MTCL3: variants seen among roughly 807,000 people sequenced by gnomAD.
MTCL3 encodes the protein microtubule cross-linking factor 3.
chr6:127,507,479 G>A, the MTCL3 span, among the ~76,000 whole-genome samples: 3 of 152,258 alleles, frequency 2.0e-5, no homozygotes, highest in East Asian at 5.8e-4. Context: ...GGGTAAAACA[G>A]TCATTTACAT....
chr6:127,501,807 A>T, the MTCL3 span, among the ~76,000 whole-genome samples: 2 of 152,224 alleles, frequency 1.3e-5, no homozygotes, highest in Non-Finnish European at 2.9e-5. Context: ...CTGGATAAAG[A>T]TCAATTTAAC....
chr6:127,516,492 T>G, the MTCL3 span: 1 of 1,599,538 alleles, frequency 6.3e-7, no homozygotes. Flanking sequence ...GTCTAGCGGG[T>G]GACTGAGCTC....
the MTCL3 span, among the ~76,000 whole-genome samples, chr6:127,496,605 C>A: frequency 3.3e-5 from 5 of 152,270 alleles, no homozygotes; most frequent in South Asian, 1.0e-3. Context: ...ATATATCCAC[C>A]AAGGACTTTC....
At chr6:127,516,545 C>A in the MTCL3 span, 1 of 1,598,754 alleles carries the variant, frequency 6.3e-7, no homozygotes. Flanking sequence ...AGACGAGCCT[C>A]AGTGGCTGCA....
chr6:127,500,657 C>A, the MTCL3 span, among the ~76,000 whole-genome samples: 3 of 152,058 alleles, frequency 2.0e-5, no homozygotes, highest in African/African-American at 7.2e-5. Flanking sequence ...AGTTATTTTT[C>A]CTGATCTTCT....
chr6:127,492,646 T>G, the MTCL3 span, among the ~76,000 whole-genome samples: 30 of 152,094 alleles, frequency 2.0e-4, no homozygotes, highest in Admixed American at 1.1e-3. Context: ...TCAGCCTCCC[T>G]AGTAACTGGG....
chr6:127,509,299 C>T, the MTCL3 span, among the ~76,000 whole-genome samples: 5 of 152,166 alleles, frequency 3.3e-5, no homozygotes, highest in African/African-American at 1.2e-4. Context: ...TCTTCTTACT[C>T]CCAGGTGCCT....
the MTCL3 span, chr6:127,516,111 T>C: frequency 7.1e-7 from 1 of 1,418,260 alleles, no homozygotes; most frequent in Non-Finnish European, 9.2e-7. Flanking sequence ...CCCCGCCCCC[T>C]CCTCCCCCTT....
the MTCL3 span, chr6:127,476,375 C>T: frequency 1.2e-6 from 2 of 1,614,176 alleles, no homozygotes; most frequent in South Asian, 1.1e-5. This position sits in a 1 kb window ranked among gnomAD's most constrained non-coding sequence, Gnocchi z 4.4. Flanking sequence ...TCAAATCTGT[C>T]CTTTTCTTTA....
the MTCL3 span, among the ~76,000 whole-genome samples, chr6:127,510,950 T>C: frequency 1.3e-5 from 2 of 152,156 alleles, no homozygotes; most frequent in African/African-American, 4.8e-5. Context: ...GGGGCGGGTG[T>C]GATGGCTCAT....
At chr6:127,487,292 A>T in the MTCL3 span, among the ~76,000 whole-genome samples, 3 of 152,210 alleles carry the variant, frequency 2.0e-5, no homozygotes, top group Non-Finnish European at 4.4e-5. Context: ...CTTTATGGTA[A>T]CAGAGCGTGA....
At chr6:127,509,260 T>G in the MTCL3 span, among the ~76,000 whole-genome samples, 1 of 152,198 alleles carries the variant, frequency 6.6e-6, no homozygotes, top group Non-Finnish European at 1.5e-5. Flanking sequence ...TAGATGCAGC[T>G]AATTACCTCT....
At chr6:127,483,039 TTA>T in the MTCL3 span, 1 of 1,437,148 alleles carries the variant, frequency 7.0e-7, no homozygotes, top group South Asian at 1.3e-5. Flanking sequence ...TAATTCAATT[TTA>T]TGTTTTTAAG....
chr6:127,484,335 G>T, the MTCL3 span, among the ~76,000 whole-genome samples: 4 of 152,126 alleles, frequency 2.6e-5, no homozygotes, highest in African/African-American at 7.2e-5. Flanking sequence ...AGCCCACGTG[G>T]TTATTCATTT....
At chr6:127,494,019 G>A in the MTCL3 span, among the ~76,000 whole-genome samples, 67 of 152,316 alleles carry the variant, frequency 4.4e-4, no homozygotes, top group Non-Finnish European at 8.7e-4. Context: ...AAACTTTTAA[G>A]TCTTTTTTGG....
At chr6:127,502,492 T>C in the MTCL3 span, among the ~76,000 whole-genome samples, 2 of 152,114 alleles carry the variant, frequency 1.3e-5, no homozygotes, top group Admixed American at 1.3e-4. Flanking sequence ...GAAGAGGCAA[T>C]GGGTCAGATG....
the MTCL3 span, chr6:127,475,150 G>C: frequency 1.3e-6 from 1 of 777,828 alleles, no homozygotes; most frequent in Non-Finnish European, 1.9e-6. The surrounding 1 kb of genome is among the most constrained non-coding windows in gnomAD (Gnocchi z 7.3). Flanking sequence ...GCCGAGGCCG[G>C]GGGTTTCAGG....
At chr6:127,513,118 C>T in the MTCL3 span, 1 of 1,382,524 alleles carries the variant, frequency 7.2e-7, no homozygotes, top group Non-Finnish European at 9.8e-7. Flanking sequence ...AATTGTATTC[C>T]TATTGAAAGC....
At chr6:127,500,154 G>T in the MTCL3 span, among the ~76,000 whole-genome samples, 4 of 151,986 alleles carry the variant, frequency 2.6e-5, no homozygotes, top group Non-Finnish European at 5.9e-5. Context: ...TCCCACTGGG[G>T]AACTCAGATT....
Sources: gnomAD v4.1 joint callset for allele counts (sites outside exome capture counted in the v4.1 genomes callset) on GRCh38, gnomAD v4.1.1 for gene constraint, Gnocchi (gnomAD v3.1) non-coding constraint, MANE v1.5 for transcripts, NCBI Gene and HGNC (gene_info 2026-07-23, HGNC 2026-07-21) for gene names.